Variants in CCSER1 observed in about 807,000 individuals in gnomAD.
CCSER1 encodes serine-rich coiled-coil domain-containing protein 1.
In CCSER1, 41 loss-of-function variants were observed where a neutral mutation model predicts 82.0. The observed-to-expected ratio is 0.50, with a 90% CI of 0.39 to 0.65. The LOEUF (loss-of-function observed/expected upper bound fraction) is 0.65, where lower values mean the gene tolerates loss of function less well. CCSER1 is among the 30% of genes least tolerant of loss of function. The pLI is 0.00. For synonymous variants in CCSER1, 414 were observed against 383.9 expected, an observed-to-expected ratio of 1.08 and a Z score of -0.92; for missense variants, 1,119 against 1,064.2, an observed-to-expected ratio of 1.05 and a Z score of -0.72.
Position 91,160,758 on chromosome 4 carries a change from T to TTG in CCSER1, c.2217+74765_2217+74766insGT, listed in dbSNP as rs1560478948. 3.0e-3 allele frequency among the ~76,000 whole-genome samples: 447 copies of TTG among 151,250 alleles called. 2 individuals carry two copies. The highest frequency in any genetic ancestry group is 0.01 in the African/African-American group (420 of 40,688). ...TGATGTTGTTGTTGTTGTTGTTGTT[T>TTG]TTTTTGTAAATTTGTTTAAGTTCTT... On this transcript the variant is annotated intron_variant, in intron 10 of 10. Coordinates refer to ENST00000509176, the MANE Select transcript of CCSER1 (RefSeq NM_001145065.2).
intron 10 of CCSER1, among the ~76,000 whole-genome samples, chr4:91,257,139 G>C (rs909936553): frequency 1.3e-5 from 2 of 152,072 alleles, no homozygotes; most frequent in Non-Finnish European, 2.9e-5. Flanking sequence ...GATGAAATGA[G>C]GAGTGGCATT....
chr4:90,524,706 A>T (rs1773539085), intron 5 of CCSER1, among the ~76,000 whole-genome samples: 1 of 152,076 alleles, frequency 6.6e-6, no homozygotes, highest in Non-Finnish European at 1.5e-5. Flanking sequence ...TGACCTCATG[A>T]TCCGTCTGCC....
At chr4:91,006,817 C>T (rs1245548879) in intron 9 of CCSER1, among the ~76,000 whole-genome samples, 2 of 152,246 alleles carry the variant, frequency 1.3e-5, no homozygotes, top group East Asian at 3.9e-4. Context: ...CTATGACTTC[C>T]AGTACTAAGA....
chr4:91,124,330 C>T (rs1727324748), intron 10 of CCSER1, among the ~76,000 whole-genome samples: 1 of 151,794 alleles, frequency 6.6e-6, no homozygotes, highest in Non-Finnish European at 1.5e-5. Context: ...TTAAAAACTA[C>T]ATCTGATTTG....
intron 6 of CCSER1, among the ~76,000 whole-genome samples, chr4:90,636,301 A>T (rs1398593043): frequency 1.2e-4 from 18 of 152,012 alleles, no homozygotes; most frequent in Non-Finnish European, 2.9e-5. Flanking sequence ...TTTATTATTT[A>T]AAAAAGAAAT....
chr4:90,288,097 C>T (rs571769315), intron 1 of CCSER1, among the ~76,000 whole-genome samples: 20 of 151,988 alleles, frequency 1.3e-4, no homozygotes, highest in African/African-American at 2.2e-4. Flanking sequence ...GCTATTTAAG[C>T]GAGAATGTCG....
chr4:90,148,095 G>A (rs1054052506), intron 1 of CCSER1, among the ~76,000 whole-genome samples: 6 of 152,146 alleles, frequency 3.9e-5, no homozygotes, highest in Admixed American at 2.0e-4. Context: ...ATCCTGGGAG[G>A]TGGAGGTTGC....
At chr4:90,945,883 A>G (rs1453048483) in intron 9 of CCSER1, among the ~76,000 whole-genome samples, 5 of 152,126 alleles carry the variant, frequency 3.3e-5, no homozygotes, top group Non-Finnish European at 7.4e-5. Flanking sequence ...AAATATTTTG[A>G]TCCTCACGAA....
At chr4:91,133,978 A>T in intron 10 of CCSER1, among the ~76,000 whole-genome samples, 1 of 152,168 alleles carries the variant, frequency 6.6e-6, no homozygotes, top group East Asian at 1.9e-4. Flanking sequence ...GCATGCCTAT[A>T]ATCCCAGCTA....
chr4:90,939,268 T>G (rs1731317844), intron 9 of CCSER1, among the ~76,000 whole-genome samples: 1 of 151,946 alleles, frequency 6.6e-6, no homozygotes, highest in Non-Finnish European at 1.5e-5. Context: ...TAATGAAGAG[T>G]CTTACTCTAA....
At chr4:90,128,918 TAAA>T (rs748046667) in intron 1 of CCSER1, among the ~76,000 whole-genome samples, 1 of 147,754 alleles carries the variant, frequency 6.8e-6, no homozygotes, top group African/African-American at 2.5e-5. Context: ...TGAAATGAAG[TAAA>T]AAAAAAACTC....
chr4:91,528,568 A>G (rs889904585), intron 10 of CCSER1, among the ~76,000 whole-genome samples: 16 of 152,196 alleles, frequency 1.1e-4, no homozygotes, highest in African/African-American at 3.6e-4. Flanking sequence ...GATGACAGAT[A>G]TGGCATACAG....
chr4:90,554,740 T>C, intron 5 of CCSER1, among the ~76,000 whole-genome samples: 1 of 152,204 alleles, frequency 6.6e-6, no homozygotes, highest in Non-Finnish European at 1.5e-5. Context: ...TGAATGCTGT[T>C]TTACTTTTCT....
intron 10 of CCSER1, among the ~76,000 whole-genome samples, chr4:91,407,387 G>T (rs1226447802): frequency 6.6e-6 from 1 of 152,024 alleles, no homozygotes; most frequent in Non-Finnish European, 1.5e-5. Context: ...CTGTACCCGG[G>T]GTTGAAATGA....
chr4:90,172,927 T>G (rs1383331876), intron 1 of CCSER1, among the ~76,000 whole-genome samples: 1 of 151,798 alleles, frequency 6.6e-6, no homozygotes, highest in Admixed American at 6.6e-5. Flanking sequence ...ATTTTAAATA[T>G]TAAGGTGAGG....
At chr4:91,318,645 T>G (rs1745987912) in intron 10 of CCSER1, among the ~76,000 whole-genome samples, 1 of 152,066 alleles carries the variant, frequency 6.6e-6, no homozygotes. Flanking sequence ...CTAATTTTCT[T>G]TCTTAAAATT....
intron 1 of CCSER1, among the ~76,000 whole-genome samples, chr4:90,218,682 T>C (rs954469016): frequency 6.6e-6 from 1 of 152,012 alleles, no homozygotes; most frequent in Non-Finnish European, 1.5e-5. Flanking sequence ...TGGAACTATA[T>C]AAAAATGTAA....
intron 5 of CCSER1, among the ~76,000 whole-genome samples, chr4:90,479,464 T>A (rs1370569944): frequency 2.0e-5 from 3 of 152,196 alleles, no homozygotes; most frequent in Admixed American, 2.0e-4. Context: ...GCCATGTTGG[T>A]GTGCTGCACC....
intron 8 of CCSER1, among the ~76,000 whole-genome samples, chr4:90,900,094 G>GTTTTTTTTTTTTTTTTTTTTTTTTTTTT (rs70963096): frequency 4.2e-4 from 43 of 102,144 alleles, no homozygotes; most frequent in Non-Finnish European, 6.2e-4. Context: ...TGGTCCCAGA[G>GTTTTTTTTTTTTTTTTTTTTTTTTTTTT]TTTTTTTTTT....
Sources: allele counts gnomAD v4.1 joint callset (sites outside exome capture counted in the v4.1 genomes callset), GRCh38; gene constraint gnomAD v4.1.1; transcripts MANE v1.5; gene names NCBI Gene and HGNC (gene_info 2026-07-23, HGNC 2026-07-21).